IQCH: variants seen among roughly 807,000 people sequenced by gnomAD.
IQCH encodes the protein IQ motif containing H, also known as IQ domain-containing protein H.
A neutral mutation model predicts 117.0 loss-of-function variants in IQCH; 98 were observed. That is an observed-to-expected ratio of 0.84 (90% CI 0.71 to 0.99). The LOEUF (loss-of-function observed/expected upper bound fraction) is 0.99, where lower values mean the gene tolerates loss of function less well. Among genes scored for constraint, IQCH ranks in the 50% least tolerant of loss-of-function variants. The pLI, the probability that IQCH is intolerant of heterozygous loss-of-function variation, is 0.00. For missense variants in IQCH, 1,102 were observed against 1,243.8 expected, an observed-to-expected ratio of 0.89 and a Z score of 1.72; for synonymous variants, 412 against 448.2, an observed-to-expected ratio of 0.92 and a Z score of 1.02.
chr15:67,325,581 T>C (rs1968369577), intron 4 of IQCH, among the ~76,000 whole-genome samples: 1 of 152,118 alleles, frequency 6.6e-6, no homozygotes, highest in African/African-American at 2.4e-5. Flanking sequence ...ATATATGTAT[T>C]GTTTGCTAAG....
intron 4 of IQCH, among the ~76,000 whole-genome samples, chr15:67,324,691 G>A (rs1968324266): frequency 6.7e-6 from 1 of 150,100 alleles, no homozygotes; most frequent in African/African-American, 2.4e-5. Flanking sequence ...TATAGAATTT[G>A]GGGTAGCCAT....
chr15:67,269,747 T>C (rs201844377), intron 3 of IQCH, among the ~76,000 whole-genome samples: 1 of 558 alleles, frequency 1.8e-3, no homozygotes, highest in Non-Finnish European at 0.019. Context: ...TATATTTGTC[T>C]TTCTGTACTT....
intron 16 of IQCH, among the ~76,000 whole-genome samples, chr15:67,437,821 C>T (rs1020924455): frequency 6.6e-6 from 1 of 151,866 alleles, no homozygotes. Context: ...GACAGGTCTT[C>T]GAATTAATGC....
At chr15:67,461,218 A>G (rs537209074) in intron 16 of IQCH, among the ~76,000 whole-genome samples, 1 of 152,362 alleles carries the variant, frequency 6.6e-6, no homozygotes, top group Admixed American at 6.5e-5. Flanking sequence ...CCTACTAAAA[A>G]TACAAGAATA....
rs2082027537 is a variant in IQCH, at chr15:67,431,867, C to T, written c.2505+10290C>T. Among the ~76,000 whole-genome samples, 1 of 151,908 alleles carries T rather than the reference C, an allele frequency of 6.6e-6. No homozygotes were observed. Among genetic ancestry groups the T allele is most frequent in the Admixed American group, 6.6e-5 (1 of 15,224 alleles). Reference sequence around the variant, plus strand: ...TTAGCCTGGGCATCAAGACTCATCTCTAAAATTAAAAATAAAAAATTAGTT... The same window carrying T: ...TTAGCCTGGGCATCAAGACTCATCTTTAAAATTAAAAATAAAAAATTAGTT... On this transcript the variant is annotated intron_variant, in intron 16 of 20. Transcript: ENST00000335894. This position sits in a 1 kb window ranked among gnomAD's most constrained non-coding sequence, Gnocchi z 4.8.
chr15:67,378,404 A>G (rs1408896994), intron 10 of IQCH, among the ~76,000 whole-genome samples: 1 of 150,356 alleles, frequency 6.7e-6, no homozygotes, highest in Admixed American at 6.7e-5. Flanking sequence ...AGTCTTCAAC[A>G]TATATTTTGG....
In IQCH at chr15:67,473,687, A is replaced by G. The variant is rs2083127432; in HGVS notation, c.2677-2009A>G. Among the ~76,000 whole-genome samples the G allele has an allele frequency of 6.6e-6, 1 of 152,228 alleles. No individual in the cohort carries two copies. Among genetic ancestry groups the G allele is most frequent in the Admixed American group, 6.5e-5 (1 of 15,288 alleles). On this transcript the variant is annotated intron_variant, in intron 17 of 20. Coordinates refer to ENST00000335894, the MANE Select transcript of IQCH (RefSeq NM_001031715.3). The surrounding 1 kb of genome is among the most constrained non-coding windows in gnomAD (Gnocchi z 4.9). The stretch of plus-strand genomic sequence containing the variant: ...GGTATCATGCCCAAACTGGAGATTC[A>G]GAAACCAAACAGCGCCTGCCCTCAG...
chr15:67,337,963 A>G (rs1275167901), intron 5 of IQCH, among the ~76,000 whole-genome samples: 1 of 152,192 alleles, frequency 6.6e-6, no homozygotes, highest in East Asian at 1.9e-4. Flanking sequence ...AGATAACCTG[A>G]GATCATTATA....
intron 16 of IQCH, among the ~76,000 whole-genome samples, chr15:67,450,600 T>G (rs562128557): frequency 6.6e-6 from 1 of 152,332 alleles, no homozygotes; most frequent in South Asian, 2.1e-4. Flanking sequence ...ATAAGCTTTT[T>G]GATGTGCTAC....
Position 67,366,480 on chromosome 15 carries a change from G to A in IQCH, c.754-5631G>A, listed in dbSNP as rs1278599308. 6.6e-6 allele frequency among the ~76,000 whole-genome samples: 1 copy of A among 152,076 alleles called. No individual in the cohort carries two copies. Among genetic ancestry groups the A allele is most frequent in the Non-Finnish European group, 1.5e-5 (1 of 68,018 alleles). ...TCCATGAGAATGCATCAAAGGATGGGGATTTTTCTCCTCAGGAAGTGTTTC... is the reference window on the plus strand; with the variant it reads ...TCCATGAGAATGCATCAAAGGATGGAGATTTTTCTCCTCAGGAAGTGTTTC... On this transcript the variant is annotated intron_variant, in intron 8 of 20. Coordinates refer to ENST00000335894, the MANE Select transcript of IQCH (RefSeq NM_001031715.3). The surrounding 1 kb of genome is among the most constrained non-coding windows in gnomAD (Gnocchi z 4.4).
chr15:67,341,015 C>T (rs539454255), intron 5 of IQCH, among the ~76,000 whole-genome samples: 28 of 152,184 alleles, frequency 1.8e-4, no homozygotes, highest in African/African-American at 6.7e-4. Flanking sequence ...AGTTTGAGAC[C>T]AGCCTGGGCA....
rs368875296 is a variant in IQCH at position 67,418,513 on chromosome 15, C to CCACACACACACACACA, written c.2218+1487_2218+1502dup. Among the ~76,000 whole-genome samples the CCACACACACACACACA allele has an allele frequency of 1.9e-3, 215 of 114,100 alleles. 2 individuals carry two copies. Among genetic ancestry groups the CCACACACACACACACA allele is most frequent in the African/African-American group, 2.9e-3 (86 of 29,462 alleles). 74.9% of individuals were successfully genotyped at this position (114,100 alleles called of 152,430 possible). The stretch of plus-strand genomic sequence containing the variant: ...TAAATGGAAGAAAATCAAGTGGCTA[C>CCACACACACACACACA]CACACACACACACACACACACACAC... On this transcript the variant is annotated intron_variant, in intron 15 of 20. Coordinates refer to ENST00000335894, the MANE Select transcript of IQCH (RefSeq NM_001031715.3).
chr15:67,344,900 A>T (rs546367894), intron 6 of IQCH, among the ~76,000 whole-genome samples: 3 of 152,210 alleles, frequency 2.0e-5, no homozygotes, highest in Non-Finnish European at 4.4e-5. Context: ...TAAGAATTGC[A>T]ATTTAAATGT....
rs1163273459 is a variant in IQCH, at chr15:67,500,601, C to T, written c.2971-32C>T. On this transcript the variant is annotated intron_variant, in intron 20 of 20. Coordinates refer to ENST00000335894, the MANE Select transcript of IQCH (RefSeq NM_001031715.3). This position sits in a 1 kb window ranked among gnomAD's most constrained non-coding sequence, Gnocchi z 4.4. ...TTGGGGGAGAGGGATTGTAAGAGGT[C>T]TTTAAGTAATAAATATTGTCTTTAT... is the stretch of plus-strand genomic sequence containing the variant. 8.6e-7 allele frequency: 1 copy of T among 1,161,562 alleles called. No homozygotes were observed. The highest frequency in any genetic ancestry group is 1.3e-6 in the Non-Finnish European group (1 of 787,322). The allele number at this position is 1,161,562 out of a possible 1,614,324, so 72.0% of individuals were successfully genotyped here.
At chr15:67,428,523 C>T (rs182913097) in intron 16 of IQCH, among the ~76,000 whole-genome samples, 1 of 152,184 alleles carries the variant, frequency 6.6e-6, no homozygotes, top group Non-Finnish European at 1.5e-5. Context: ...TTGCATTATC[C>T]AGGTGGCCCC....
In IQCH at chr15:67,413,834, G is replaced by A. The variant is rs1396318611; in HGVS notation, c.2098-3097G>A. Reference sequence around the variant, plus strand: ...ATTACTCCTCCAGATTCCAGCAGCCGACTTTCCTCTAGGAAATTTACCTCC... The same window carrying A: ...ATTACTCCTCCAGATTCCAGCAGCCAACTTTCCTCTAGGAAATTTACCTCC... On this transcript the variant is annotated intron_variant, in intron 14 of 20. Coordinates refer to ENST00000335894, the MANE Select transcript of IQCH (RefSeq NM_001031715.3). The surrounding 1 kb of genome is among the most constrained non-coding windows in gnomAD (Gnocchi z 5.0). Among the ~76,000 whole-genome samples the A allele has an allele frequency of 2.6e-5, 4 of 152,094 alleles. No individual in the cohort carries two copies. The highest frequency in any genetic ancestry group is 2.1e-4 in the South Asian group (1 of 4,828).
intron 10 of IQCH, among the ~76,000 whole-genome samples, chr15:67,374,893 A>G (rs1970684927): frequency 6.6e-6 from 1 of 152,164 alleles, no homozygotes; most frequent in Admixed American, 6.5e-5. Flanking sequence ...TGTGGACCAG[A>G]CCTGATATTA....
rs1375487926 is a variant in IQCH at position 67,483,485 on chromosome 15, C to G, written c.2800-6518C>G. 2.6e-5 allele frequency among the ~76,000 whole-genome samples: 4 copies of G among 152,012 alleles called. No homozygotes were observed. In the East Asian group the frequency reaches 7.7e-4, roughly 29 times the overall value. ...TGAGCCAAGATCGCGCTACTGCGCTCCAGCCTGGGTGAGAAAGCAAGACTC... is the reference window on the plus strand; with the variant it reads ...TGAGCCAAGATCGCGCTACTGCGCTGCAGCCTGGGTGAGAAAGCAAGACTC... On this transcript the variant is annotated intron_variant, in intron 18 of 20. Transcript: ENST00000335894.
chr15:67,256,744 C>T (rs1965233296), intron 1 of IQCH, among the ~76,000 whole-genome samples: 1 of 152,164 alleles, frequency 6.6e-6, no homozygotes, highest in Admixed American at 6.5e-5. Flanking sequence ...TGAGATGGGT[C>T]AGAAGAGCTA....
Sources: allele counts gnomAD v4.1 joint callset (sites outside exome capture counted in the v4.1 genomes callset), GRCh38; gene constraint gnomAD v4.1.1; non-coding constraint Gnocchi (gnomAD v3.1); transcripts MANE v1.5; gene names NCBI Gene and HGNC (gene_info 2026-07-23, HGNC 2026-07-21).